The following WDR27 variants were observed in gnomAD, a reference collection of about 807,000 sequenced individuals.
WDR27 encodes the protein WD repeat-containing protein 27.
WDR27 carries 100 observed loss-of-function variants against 114.4 expected under a neutral mutation model. That is an observed-to-expected ratio of 0.87 (90% CI 0.74 to 1.03). WDR27 has a LOEUF of 1.03. WDR27 is among the 50% of genes least tolerant of loss of function. The pLI is 0.00. For missense variants in WDR27, 1,129 were observed against 1,092.9 expected, an observed-to-expected ratio of 1.03 and a Z score of -0.47; for synonymous variants, 449 against 423.1, an observed-to-expected ratio of 1.06 and a Z score of -0.75.
chr6:169,700,337 C>A (rs1037666058), intron 1 of WDR27, among the ~76,000 whole-genome samples: 5 of 152,182 alleles, frequency 3.3e-5, no homozygotes, highest in Non-Finnish European at 7.3e-5. Flanking sequence ...GTGTGTTCTC[C>A]ATGTGGGATC....
intron 17 of WDR27, among the ~76,000 whole-genome samples, 161 bp downstream of exon 17, chr6:169,643,536 T>C (rs1819713332): frequency 6.6e-6 from 1 of 152,238 alleles, no homozygotes; most frequent in African/African-American, 2.4e-5. Flanking sequence ...CCCTGTTTGG[T>C]TGAAGATCTC....
intron 25 of WDR27, among the ~76,000 whole-genome samples, chr6:169,484,661 GA>G (rs1211267260): frequency 6.6e-6 from 1 of 151,986 alleles, no homozygotes; most frequent in Non-Finnish European, 1.5e-5. Flanking sequence ...CACACAACTG[GA>G]AAAAAACTAT....
At chr6:169,471,926 G>C (rs777938714) in intron 25 of WDR27, among the ~76,000 whole-genome samples, 2 of 152,134 alleles carry the variant, frequency 1.3e-5, no homozygotes, top group Admixed American at 1.3e-4. Flanking sequence ...CTCACATGGC[G>C]GGAGGGGCAG....
At chr6:169,694,093 A>AG (rs1785196970) in intron 1 of WDR27, among the ~76,000 whole-genome samples, 1 of 152,190 alleles carries the variant, frequency 6.6e-6, no homozygotes, top group South Asian at 2.1e-4. Context: ...GCAGATCACA[A>AG]GGTCAGGAGT....
chr6:169,677,348 G>A (rs556283251), intron 2 of WDR27, among the ~76,000 whole-genome samples: 2 of 152,386 alleles, frequency 1.3e-5, no homozygotes, highest in South Asian at 4.1e-4. Context: ...CTAGGGCTCT[G>A]TGGAAGCTTA....
intron 15 of WDR27, among the ~76,000 whole-genome samples, chr6:169,648,215 C>A (rs1275471715): frequency 4.6e-5 from 7 of 152,304 alleles, no homozygotes; most frequent in African/African-American, 1.4e-4. Context: ...CAGTCTCATG[C>A]CGCTGTGGGT....
chr6:169,479,639 G>A (rs932528999), intron 25 of WDR27, among the ~76,000 whole-genome samples: 9 of 152,172 alleles, frequency 5.9e-5, no homozygotes, highest in African/African-American at 2.2e-4. Flanking sequence ...TTTGAACCAT[G>A]TATCTAAAAT....
In WDR27 at chr6:169,647,806, T is replaced by A. The variant is rs61740334; in HGVS notation, c.1624A>T (p.Thr542Ser). ...TGGATGCAGCATACACGTGTGCAGG[T>A]GGGGGCGGCAGCGACCTGGGGGCCG... ...KPGPQVAAAPTCTRVCCIQYS... is the reference protein window; with the variant it reads ...KPGPQVAAAPSCTRVCCIQYS... The change falls in exon 16 of 26, where the codon ACC (threonine) becomes TCC (serine). Residue 542 changes from threonine (T) to serine (S), a missense_variant. Transcript: ENST00000448612. The A allele has an allele frequency of 0.068, 107,560 of 1,583,986 alleles. 3,956 individuals are homozygous for A. Among genetic ancestry groups the A allele is most frequent in the East Asian group, 0.12 (5,079 of 43,700 alleles).
intron 25 of WDR27, among the ~76,000 whole-genome samples, chr6:169,557,855 A>G (rs1799138945): frequency 6.6e-6 from 1 of 152,180 alleles, no homozygotes; most frequent in African/African-American, 2.4e-5. Context: ...GATTATCACT[A>G]AAATAAGAGA....
intron 21 of WDR27, among the ~76,000 whole-genome samples, chr6:169,625,229 C>A (rs1263681558): frequency 6.6e-6 from 1 of 152,240 alleles, no homozygotes; most frequent in Non-Finnish European, 1.5e-5. Flanking sequence ...CAGGACTGGG[C>A]TTGGACTAAG....
At chr6:169,667,701 A>G (rs1454204059) in intron 5 of WDR27, among the ~76,000 whole-genome samples, 6 of 152,316 alleles carry the variant, frequency 3.9e-5, no homozygotes, top group Non-Finnish European at 8.8e-5. Context: ...GCCGTGGAGA[A>G]GAATTCGTGC....
At chr6:169,592,761 C>A (rs1805993044) in intron 23 of WDR27, among the ~76,000 whole-genome samples, 1 of 152,206 alleles carries the variant, frequency 6.6e-6, no homozygotes, top group Non-Finnish European at 1.5e-5. Context: ...TTCCCAACCA[C>A]AGAATGCCTC....
At chr6:169,686,048 A>G (rs554073275) in intron 2 of WDR27, among the ~76,000 whole-genome samples, 4 of 152,354 alleles carry the variant, frequency 2.6e-5, no homozygotes, top group Non-Finnish European at 5.9e-5. Flanking sequence ...TGCTATATTC[A>G]AAGTACTGAA....
intron 21 of WDR27, among the ~76,000 whole-genome samples, chr6:169,621,739 T>C (rs1488322954): frequency 1.2e-4 from 16 of 133,880 alleles, no homozygotes; most frequent in African/African-American, 2.8e-5. Context: ...CACATATACA[T>C]ACACACACAC....
chr6:169,438,906 A>C, the WDR27 span, among the ~76,000 whole-genome samples: 20 of 152,168 alleles, frequency 1.3e-4, no homozygotes, highest in African/African-American at 4.8e-4. Context: ...GAACTATGTA[A>C]CTTTTTATAT....
intron 25 of WDR27, among the ~76,000 whole-genome samples, chr6:169,467,180 G>A (rs1404932493): frequency 6.6e-6 from 1 of 152,188 alleles, no homozygotes; most frequent in Admixed American, 6.5e-5. Context: ...GGCTTTGCAG[G>A]GTACAGCCTC....
the WDR27 span, among the ~76,000 whole-genome samples, chr6:169,448,418 GTA>G: frequency 1.6e-4 from 24 of 150,858 alleles, no homozygotes; most frequent in African/African-American, 5.1e-4. Context: ...GTGTGTGTGT[GTA>G]TGTATATATA....
At chr6:169,583,040 A>T (rs991905968) in intron 23 of WDR27, 106 bp from the exon 24 acceptor site, 2 of 884,288 alleles carry the variant, frequency 2.3e-6, no homozygotes. Flanking sequence ...AGTTGATCAG[A>T]TACAACAGCA....
At chr6:169,683,790 G>C (rs2099820777) in intron 2 of WDR27, among the ~76,000 whole-genome samples, 1 of 152,164 alleles carries the variant, frequency 6.6e-6, no homozygotes, top group Non-Finnish European at 1.5e-5. Flanking sequence ...ACAAACACCT[G>C]AAGTCTTTAC....
Sources: gnomAD v4.1 joint callset for allele counts (sites outside exome capture counted in the v4.1 genomes callset) on GRCh38, gnomAD v4.1.1 for gene constraint, MANE v1.5 for transcripts, NCBI Gene and HGNC (gene_info 2026-07-23, HGNC 2026-07-21) for gene names.